Variants in NBAS observed in about 807,000 individuals in gnomAD.
NBAS encodes NAG/BC035112 fusion.
Under a neutral mutation model 302.5 loss-of-function variants are expected in NBAS, and 219 were observed. The ratio of observed to expected loss-of-function variants is 0.72; its 90% CI spans 0.65 to 0.81. The LOEUF (loss-of-function observed/expected upper bound fraction) is 0.81. NBAS is among the 30% of genes least tolerant of loss of function. The probability of loss-of-function intolerance (pLI) is 0.00; values close to 1 mark genes in which losing one functional copy is unlikely to be tolerated. For synonymous variants in NBAS, 1,118 were observed against 1,021.6 expected (o/e 1.09, Z -1.80); for missense variants, 2,932 against 2,841.6 (o/e 1.03, Z -0.72).
the NBAS span, among the ~76,000 whole-genome samples, chr2:14,974,020 A>G: frequency 6.6e-6 from 1 of 152,214 alleles, no homozygotes; most frequent in African/African-American, 2.4e-5. Context: ...CGCCAAGAAT[A>G]TTTCTCAGAT....
intron 8 of NBAS, 102 bp downstream of exon 8, chr2:15,536,316 C>T (rs1363860871): frequency 5.1e-6 from 7 of 1,386,038 alleles, no homozygotes; most frequent in Admixed American, 2.0e-5. Flanking sequence ...TGCAATTTTT[C>T]ATAATAGACA....
chr2:14,892,677 T>C, the NBAS span, among the ~76,000 whole-genome samples: 1 of 152,164 alleles, frequency 6.6e-6, no homozygotes, highest in Non-Finnish European at 1.5e-5. Context: ...GCTCTTTTTT[T>C]TTTTCTTCTC....
At chr2:15,114,226 G>T in the NBAS span, among the ~76,000 whole-genome samples, 1 of 152,140 alleles carries the variant, frequency 6.6e-6, no homozygotes, top group Non-Finnish European at 1.5e-5. Flanking sequence ...TTAAACAACA[G>T]AAATGTATTT....
chr2:14,793,428 T>C, the NBAS span, among the ~76,000 whole-genome samples: 13 of 151,912 alleles, frequency 8.6e-5, no homozygotes, highest in African/African-American at 3.1e-4. Flanking sequence ...GTTGGATGGG[T>C]TTAACAGCAG....
chr2:15,191,323 T>C (rs768035147), intron 48 of NBAS, among the ~76,000 whole-genome samples: 2 of 152,230 alleles, frequency 1.3e-5, no homozygotes, highest in Admixed American at 6.5e-5. Flanking sequence ...ATGGTCATTC[T>C]GGCTCTGATC....
At chr2:15,508,665 A>G (rs528982555) in intron 10 of NBAS, among the ~76,000 whole-genome samples, 1 of 152,300 alleles carries the variant, frequency 6.6e-6, no homozygotes, top group East Asian at 1.9e-4. Flanking sequence ...GTATACAGAC[A>G]CACATAATTT....
At chr2:15,331,860 T>C (rs1324222664) in intron 35 of NBAS, among the ~76,000 whole-genome samples, 1 of 152,164 alleles carries the variant, frequency 6.6e-6, no homozygotes, top group Non-Finnish European at 1.5e-5. Flanking sequence ...TGATTAACAG[T>C]ACAGACCTCG....
At chr2:15,498,572 C>G (rs141417021) in intron 11 of NBAS, among the ~76,000 whole-genome samples, 31 of 152,288 alleles carry the variant, frequency 2.0e-4, no homozygotes, top group African/African-American at 7.5e-4. Context: ...AACCAGTAAT[C>G]CCATTACTGG....
At chr2:14,854,531 GA>G in the NBAS span, among the ~76,000 whole-genome samples, 1 of 149,910 alleles carries the variant, frequency 6.7e-6, no homozygotes, top group South Asian at 2.1e-4. Context: ...AGGTGCTGAA[GA>G]GATAAAATTA....
intron 9 of NBAS, among the ~76,000 whole-genome samples, chr2:15,531,071 G>A (rs530448746): frequency 5.9e-5 from 9 of 152,104 alleles, no homozygotes; most frequent in East Asian, 1.9e-4. Flanking sequence ...AATTCTATCC[G>A]GTCAAATGAT....
the NBAS span, among the ~76,000 whole-genome samples, chr2:15,161,604 C>A: frequency 6.6e-6 from 1 of 152,184 alleles, no homozygotes; most frequent in Non-Finnish European, 1.5e-5. Context: ...GCACTTCTGT[C>A]CTGGCTACAC....
At chr2:14,973,106 C>T in the NBAS span, among the ~76,000 whole-genome samples, 4 of 152,192 alleles carry the variant, frequency 2.6e-5, no homozygotes, top group Non-Finnish European at 5.9e-5. Flanking sequence ...ATGTCAGTGA[C>T]TGATCGCAAC....
chr2:14,962,184 T>C, the NBAS span, among the ~76,000 whole-genome samples: 1 of 152,160 alleles, frequency 6.6e-6, no homozygotes, highest in African/African-American at 2.4e-5. Flanking sequence ...CTGAGCTCCC[T>C]GTGTGGGTTG....
At chr2:15,123,960 G>A in the NBAS span, among the ~76,000 whole-genome samples, 1 of 152,212 alleles carries the variant, frequency 6.6e-6, no homozygotes, top group African/African-American at 2.4e-5. Flanking sequence ...GAGTTTGGAA[G>A]GCTTAGAGAA....
chr2:15,103,113 A>C, the NBAS span, among the ~76,000 whole-genome samples: 4 of 152,184 alleles, frequency 2.6e-5, no homozygotes, highest in East Asian at 7.8e-4. Context: ...GAAAATCACC[A>C]TGTTTTTGAG....
chr2:15,264,525 A>G (rs1668987827), intron 44 of NBAS, among the ~76,000 whole-genome samples: 1 of 152,186 alleles, frequency 6.6e-6, no homozygotes, highest in Non-Finnish European at 1.5e-5. Flanking sequence ...CCAAGCACAG[A>G]GAAGGAGTTT....
the NBAS span, among the ~76,000 whole-genome samples, chr2:15,109,492 A>G: frequency 1.3e-5 from 2 of 152,170 alleles, no homozygotes; most frequent in African/African-American, 4.8e-5. Flanking sequence ...TGTGAACATG[A>G]GATTTTAAAA....
At chr2:15,351,870 G>A in intron 35 of NBAS, 122 bp downstream of exon 35, 2 of 700,834 alleles carry the variant, frequency 2.9e-6, no homozygotes, top group Non-Finnish European at 5.2e-6. Context: ...TGGTCTGCAT[G>A]CACACACACA....
intron 48 of NBAS, among the ~76,000 whole-genome samples, chr2:15,202,280 T>C (rs1445788110): frequency 1.3e-5 from 2 of 152,176 alleles, no homozygotes; most frequent in Non-Finnish European, 2.9e-5. Flanking sequence ...CCTGTAAACA[T>C]AGAAATTACA....
Sources: gnomAD v4.1 joint callset for allele counts (sites outside exome capture counted in the v4.1 genomes callset) on GRCh38, gnomAD v4.1.1 for gene constraint, MANE v1.5 for transcripts, NCBI Gene and HGNC (gene_info 2026-07-23, HGNC 2026-07-21) for gene names.